GRIN3B: variants seen among roughly 807,000 people sequenced by gnomAD.
GRIN3B encodes glutamate receptor ionotropic, NMDA 3B.
In GRIN3B, 77 loss-of-function variants were observed where a neutral mutation model predicts 66.0. The observed-to-expected ratio is 1.17, with a 90% CI of 0.97 to 1.41. The LOEUF is 1.41. Ranked by LOEUF, GRIN3B falls within the 40% of genes most tolerant of loss-of-function variation. The probability of loss-of-function intolerance (pLI) is 0.00; values close to 1 mark genes in which losing one functional copy is unlikely to be tolerated. For missense variants in GRIN3B, 1,787 were observed against 1,564.5 expected (o/e 1.14, Z -2.40); for synonymous variants, 823 against 749.7 (o/e 1.10, Z -1.60).
At chr19:1,008,575 G>A (rs375287787) in intron 6 of GRIN3B, 43 bp from the exon 7 acceptor site, 1 of 1,576,256 alleles carries the variant, frequency 6.3e-7, no homozygotes, top group Non-Finnish European at 8.6e-7. Context: ...CCAGGGGCCT[G>A]CCATTACGTG....
Position 1,008,508 on chromosome 19 carries a change from C to T in GRIN3B, c.2467-110C>T, listed in dbSNP as rs531051723. 77 of 1,317,304 alleles carry T rather than the reference C, an allele frequency of 5.8e-5. No homozygotes were observed. In the African/African-American group the frequency reaches 1.0e-3, roughly 17 times the overall value. The allele number at this position is 1,317,304 out of a possible 1,614,324, so 81.6% of individuals were successfully genotyped here. A position where few individuals can be genotyped will look rare whatever the true frequency, so the allele number is the denominator to read the frequency against. ...GGAGTCCCTGCCTCCCAACCTGGCT[C>T]CACTGCCCCAAGCCCCTCTCTCTGG... is the stretch of plus-strand genomic sequence containing the variant. On this transcript the variant is annotated intron_variant, in intron 6 of 8. Coordinates refer to ENST00000234389, the MANE Select transcript of GRIN3B (RefSeq NM_138690.3).
At chr19:1,001,509 A>G (rs1280108072) in intron 1 of GRIN3B, among the ~76,000 whole-genome samples, 1 of 151,908 alleles carries the variant, frequency 6.6e-6, no homozygotes, top group Non-Finnish European at 1.5e-5. Flanking sequence ...AAACGGAAGA[A>G]GAGAAGGGCG....
Position 1,005,134 on chromosome 19 carries a change from A to T in GRIN3B, c.1633A>T (p.Thr545Ser). The T allele has an allele frequency of 6.2e-7, 1 of 1,613,060 alleles. No individual in the cohort carries two copies. Among genetic ancestry groups the T allele is most frequent in the Non-Finnish European group, 8.5e-7 (1 of 1,179,914 alleles). ...NSARSQVVDF[T>S]SPFFSTSLGI... ...CGCCCGCTCACAGGTGGTGGACTTC[A>T]CCAGCCCCTTCTTCTCCACCAGCCT... is the stretch of plus-strand genomic sequence containing the variant. Residue 545 changes from threonine (T) to serine (S), a missense_variant, in exon 3 of 9, where the codon ACC becomes TCC. Transcript: ENST00000234389. This position sits in a 1 kb window ranked among gnomAD's most constrained non-coding sequence, Gnocchi z 5.2.
chr19:1,008,534 C>A, intron 6 of GRIN3B, 84 bp from the exon 7 acceptor site: 2 of 1,485,794 alleles, frequency 1.3e-6, no homozygotes, highest in Non-Finnish European at 9.1e-7. Context: ...CTCTCTCTGG[C>A]CCAACCTGTT....
rs758305152 is a variant in GRIN3B at position 1,004,488 on chromosome 19, C to T, written c.1020-33C>T. On this transcript the variant is annotated intron_variant, in intron 2 of 8. Transcript: ENST00000234389. ...TGAGAGGATGGAGGGGTGTGAACTT[C>T]GACACCTGACACCCCCCCCGCCCTG... The T allele has an allele frequency of 1.4e-5, 22 of 1,546,302 alleles. No individual in the cohort carries two copies. The African/African-American group carries it at 1.6e-4, about 12-fold the overall frequency.
rs747939936 is a variant in GRIN3B, at chr19:1,003,517, G to A, written c.814G>A (p.Ala272Thr). The change falls in exon 2 of 9, where the codon GCG becomes ACG. Residue 272 changes from alanine to threonine, a missense_variant. Coordinates refer to ENST00000234389, the MANE Select transcript of GRIN3B (RefSeq NM_138690.3). ...ACTGCCGCCCAAGGCCCTGCCCACC[G>A]CGGGGCTGCCACCAGGGCTGCTGGC... is the stretch of plus-strand genomic sequence containing the variant. ...TPLPPKALPT[A>T]GLPPGLLALG... The A allele has an allele frequency of 2.0e-4, 299 of 1,531,752 alleles. No individual in the cohort carries two copies. The highest frequency in any genetic ancestry group is 5.2e-4 in the East Asian group (21 of 40,262). 94.9% of individuals were successfully genotyped at this position (1,531,752 alleles called of 1,614,324 possible).
At chr19:1,008,439 C>CT in intron 6 of GRIN3B, 148 bp downstream of exon 6, 1 of 1,026,078 alleles carries the variant, frequency 9.7e-7, no homozygotes. Flanking sequence ...AAAACCCCGG[C>CT]TGCAGTGCCC....
Position 1,009,203 on chromosome 19 carries a change from GC to G in GRIN3B, c.2734del (p.Gln912ArgfsTer173). 1 of 1,477,958 alleles carries G rather than the reference GC, an allele frequency of 6.8e-7. No homozygotes were observed. The highest frequency in any genetic ancestry group is 8.9e-7 in the Non-Finnish European group (1 of 1,125,582). 91.6% of individuals were successfully genotyped at this position (1,477,958 alleles called of 1,614,324 possible). On this transcript the variant is annotated frameshift_variant, in exon 9 of 9. Transcript: ENST00000234389. LOFTEE classifies it low-confidence loss of function (END_TRUNC). ...CCGAGGTGGAGCAGCAGCAGCAGCA[GC>G]AGGACCAGCCAACGGCTCCGGAGGG... ...GPEVEQQQQQ[Q>X]DQPTAPEGWK... is the part of the protein sequence containing the mutation.
At position 1,007,347 on chromosome 19, in the gene GRIN3B, G is replaced by A. The variant is rs1568392030; in HGVS notation, c.2053-281G>A. Among the ~76,000 whole-genome samples the A allele has an allele frequency of 6.6e-6, 1 of 152,032 alleles. No individual in the cohort carries two copies. The highest frequency in any genetic ancestry group is 1.5e-5 in the Non-Finnish European group (1 of 67,968). ...GTGGGATAGGCGTCCAGCCCAGGGC[G>A]AGGTCCAGGTGGAGATGGACTTGCC... On this transcript the variant is annotated intron_variant, in intron 3 of 8. Coordinates refer to ENST00000234389, the MANE Select transcript of GRIN3B (RefSeq NM_138690.3). The surrounding 1 kb of genome is among the most constrained non-coding windows in gnomAD (Gnocchi z 4.4).
At chr19:1,006,803 T>C (rs549524040) in intron 3 of GRIN3B, among the ~76,000 whole-genome samples, 83 of 152,330 alleles carry the variant, frequency 5.4e-4, no homozygotes, top group Non-Finnish European at 1.0e-3. Flanking sequence ...ATGTAAACGC[T>C]GCACAGCTGA....
chr19:1,008,737 C>G lies in GRIN3B; in HGVS notation c.2586C>G (p.Arg862=). 5 of 1,608,462 alleles carry G rather than the reference C, an allele frequency of 3.1e-6. No homozygotes were observed. The highest frequency in any genetic ancestry group is 3.4e-6 in the Non-Finnish European group (4 of 1,178,288). The change falls in exon 7 of 9, where the codon CGC becomes CGG. Residue 862 remains arginine, a synonymous_variant. Coordinates refer to ENST00000234389, the MANE Select transcript of GRIN3B (RefSeq NM_138690.3). ...EHAFFRLALP[R]IRKGSRLQYW... ...CCTTCTTCCGCCTGGCGCTGCCGCG[C>G]ATCCGCAAGGGGAGCAGGCTGCAGT...
At position 1,009,374 on chromosome 19, in the gene GRIN3B, C is replaced by G; in HGVS notation, c.2904C>G (p.Arg968=). Residue 968 remains arginine (R), a synonymous_variant, in exon 9 of 9, where the codon CGC becomes CGG. Transcript: ENST00000234389. ...EGPVWLCSYG[R]PPAARPTGAP... is the part of the protein sequence containing the mutation. ...CCGTCTGGCTGTGCTCCTACGGCCG[C>G]CCGCCCGCCGCAAGGCCCACGGGGG... The G allele has an allele frequency of 2.9e-6, 4 of 1,371,104 alleles. No homozygotes were observed. Among genetic ancestry groups the G allele is most frequent in the Non-Finnish European group, 2.8e-6 (3 of 1,069,538 alleles). The allele number at this position is 1,371,104 out of a possible 1,614,324, so 84.9% of individuals were successfully genotyped here. A position where few individuals can be genotyped will look rare whatever the true frequency, so the allele number is the denominator to read the frequency against.
At chr19:1,003,019 G>A in intron 1 of GRIN3B, 111 bp from the exon 2 acceptor site, 1 of 667,792 alleles carries the variant, frequency 1.5e-6, no homozygotes, top group Non-Finnish European at 2.4e-6. Context: ...AGGTGGAGGG[G>A]AGGTGCAGCC....
Position 1,004,709 on chromosome 19 carries a change from C to T in GRIN3B, c.1208C>T (p.Ala403Val). The T allele has an allele frequency of 1.2e-6, 2 of 1,604,682 alleles. No individual in the cohort carries two copies. Among genetic ancestry groups the T allele is most frequent in the Non-Finnish European group, 1.7e-6 (2 of 1,174,954 alleles). ...GACTTGGAACCGGGAGGTGCCTCTG[C>T]ACGGCCCCCGCCCCCACAGGGTGCC... The part of the protein sequence containing the change: ...QLDLEPGGAS[A>V]RPPPPQGAQV... The change falls in exon 3 of 9, where the codon GCA becomes GTA. Residue 403 changes from alanine (A) to valine (V), a missense_variant. Physicochemically the swap from Ala to Val is moderately conservative, Grantham distance 64 (BLOSUM62 0). Transcript: ENST00000234389.
In GRIN3B at chr19:1,007,536, C is replaced by T; in HGVS notation, c.2053-92C>T. The T allele has an allele frequency of 1.5e-6, 2 of 1,331,362 alleles. No homozygotes were observed. The highest frequency in any genetic ancestry group is 1.9e-6 in the Non-Finnish European group (2 of 1,039,054). The allele number at this position is 1,331,362 out of a possible 1,614,324, so 82.5% of individuals were successfully genotyped here. On this transcript the variant is annotated intron_variant, in intron 3 of 8. Coordinates refer to ENST00000234389, the MANE Select transcript of GRIN3B (RefSeq NM_138690.3). This position sits in a 1 kb window ranked among gnomAD's most constrained non-coding sequence, Gnocchi z 4.4. ...ATGCAGCCTCGGCGCCCTGCAGTGC[C>T]CAGGACGGCCCCACCCCGGAGAACG...
Position 1,003,444 on chromosome 19 carries a change from G to T in GRIN3B, c.741G>T (p.Arg247=). Residue 247 remains arginine, a synonymous_variant, in exon 2 of 9, where the codon CGG becomes CGT. Coordinates refer to ENST00000234389, the MANE Select transcript of GRIN3B (RefSeq NM_138690.3). ...LLGCDIARAR[R]VLEAVPPGPH... ...GCTGTGACATCGCCCGTGCCCGTCG[G>T]GTGCTGGAGGCCGTACCTCCCGGCC... 1 of 1,540,190 alleles carries T rather than the reference G, an allele frequency of 6.5e-7. No individual in the cohort carries two copies. Among genetic ancestry groups the T allele is most frequent in the South Asian group, 1.2e-5 (1 of 84,290 alleles).
rs1258865281 is a variant in GRIN3B at position 1,007,615 on chromosome 19, G to T, written c.2053-13G>T. 4.0e-6 allele frequency: 6 copies of T among 1,482,838 alleles called. No individual in the cohort carries two copies. Among genetic ancestry groups the T allele is most frequent in the East Asian group, 2.7e-5 (1 of 36,708 alleles). 91.9% of individuals were successfully genotyped at this position (1,482,838 alleles called of 1,614,324 possible). Reference sequence around the variant, plus strand: ...AGGGGCAGGCAGAGGCGCTGACGGGGTCCCCCGCGCAGCTGCACCACCCGG... The same window carrying T: ...AGGGGCAGGCAGAGGCGCTGACGGGTTCCCCCGCGCAGCTGCACCACCCGG... On this transcript the variant is annotated splice_polypyrimidine_tract_variant and intron_variant, in intron 3 of 8. Transcript: ENST00000234389. This position sits in a 1 kb window ranked among gnomAD's most constrained non-coding sequence, Gnocchi z 4.4.
rs1568390458 is a variant in GRIN3B, at chr19:1,004,669, CG to C, written c.1171del (p.Asp391ThrfsTer30). On this transcript the variant is annotated frameshift_variant, in exon 3 of 9. Coordinates refer to ENST00000234389, the MANE Select transcript of GRIN3B (RefSeq NM_138690.3). LOFTEE classifies it high-confidence loss of function. ...GGCCTGGGCCACGGTGGGCAGCTGG[CG>C]GGACGGCCAGCTGGACTTGGAACCG... ...APAWATVGSW[R>X]DGQLDLEPGG... is the part of the protein sequence containing the mutation. 6.3e-7 allele frequency: 1 copy of C among 1,595,764 alleles called. No homozygotes were observed. Among genetic ancestry groups the C allele is most frequent in the Non-Finnish European group, 8.5e-7 (1 of 1,172,060 alleles).
At chr19:1,004,442 C>T (rs377385711) in intron 2 of GRIN3B, 79 bp from the exon 3 acceptor site, 34 of 1,265,276 alleles carry the variant, frequency 2.7e-5, no homozygotes, top group Middle Eastern at 2.3e-4. Flanking sequence ...CAGTGGGAAT[C>T]GGGCACGTGC....
Sources: allele counts gnomAD v4.1 joint callset (sites outside exome capture counted in the v4.1 genomes callset), GRCh38; gene constraint gnomAD v4.1.1; non-coding constraint Gnocchi (gnomAD v3.1); transcripts MANE v1.5; gene names NCBI Gene and HGNC (gene_info 2026-07-23, HGNC 2026-07-21).